Variants in STPG2 observed in about 807,000 individuals in gnomAD.
STPG2 encodes sperm-tail PG-rich repeat-containing protein 2.
In STPG2, 56 loss-of-function variants were observed where a neutral mutation model predicts 54.2. The ratio of observed to expected loss-of-function variants is 1.03; its 90% CI spans 0.83 to 1.29. The LOEUF is 1.29. Among genes scored for constraint, STPG2 ranks in the 50% most tolerant of loss-of-function variants. The pLI is 0.00. For synonymous variants in STPG2, 200 were observed against 181.8 expected, an observed-to-expected ratio of 1.10 and a Z score of -0.81; for missense variants, 596 against 544.9, an observed-to-expected ratio of 1.09 and a Z score of -0.93.
intron 9 of STPG2, among the ~76,000 whole-genome samples, chr4:97,765,998 T>C (rs775395378): frequency 7.2e-5 from 11 of 152,012 alleles, no homozygotes; most frequent in Non-Finnish European, 1.5e-4. Flanking sequence ...CTTGCAGAGG[T>C]GGTCAAAGAT....
chr4:97,907,695 G>T (rs1026441187), intron 8 of STPG2, among the ~76,000 whole-genome samples: 1 of 152,092 alleles, frequency 6.6e-6, no homozygotes, highest in East Asian at 1.9e-4. Context: ...ACAGAACAGA[G>T]CCCTCAGAAA....
chr4:97,528,452 C>A (rs374549018), intron 4 of STPG2, among the ~76,000 whole-genome samples: 4 of 152,076 alleles, frequency 2.6e-5, no homozygotes, highest in Non-Finnish European at 4.4e-5. Context: ...CAATTTTGTT[C>A]TTTTTGCTTA....
chr4:98,073,982 C>A (rs1738083103), intron 5 of STPG2, among the ~76,000 whole-genome samples: 1 of 152,112 alleles, frequency 6.6e-6, no homozygotes, highest in African/African-American at 2.4e-5. Context: ...CCCCTCAGAT[C>A]TTTGCTCCCC....
chr4:97,947,123 C>T (rs182024212), intron 7 of STPG2, among the ~76,000 whole-genome samples: 32 of 152,002 alleles, frequency 2.1e-4, no homozygotes, highest in African/African-American at 7.0e-4. Context: ...TTAGTATATT[C>T]CAGGATATTT....
intron 1 of STPG2, among the ~76,000 whole-genome samples, chr4:98,134,892 T>G (rs1041338680): frequency 6.6e-6 from 1 of 151,680 alleles, no homozygotes; most frequent in African/African-American, 2.4e-5. Flanking sequence ...TTAAAGTGGG[T>G]TTACAGCAGA....
intron 5 of STPG2, among the ~76,000 whole-genome samples, chr4:98,040,258 C>T (rs1162663488): frequency 6.6e-6 from 1 of 151,964 alleles, no homozygotes; most frequent in Admixed American, 6.6e-5. Flanking sequence ...TATCTTCCCT[C>T]ATTCTGCAAG....
chr4:97,728,998 A>C (rs897939209), intron 9 of STPG2, among the ~76,000 whole-genome samples: 1 of 151,938 alleles, frequency 6.6e-6, no homozygotes, highest in Admixed American at 6.6e-5. Context: ...AGAAAGAAAG[A>C]GACAGAGACA....
At chr4:97,561,201 G>T (rs1484836878) in intron 10 of STPG2, among the ~76,000 whole-genome samples, 1 of 152,134 alleles carries the variant, frequency 6.6e-6, no homozygotes, top group African/African-American at 2.4e-5. Flanking sequence ...CTGATGGCCA[G>T]TGATGGTGAG....
chr4:97,898,932 T>G (rs1174520632), intron 8 of STPG2, among the ~76,000 whole-genome samples: 3 of 151,176 alleles, frequency 2.0e-5, no homozygotes, highest in Non-Finnish European at 4.5e-5. Context: ...CTTTAAGAGG[T>G]GAACTCCTAT....
At chr4:97,443,015 T>C (rs1046247512) in intron 4 of STPG2, among the ~76,000 whole-genome samples, 3 of 152,072 alleles carry the variant, frequency 2.0e-5, no homozygotes, top group Non-Finnish European at 4.4e-5. Flanking sequence ...AATTCAGACA[T>C]GGCAAAGAAT....
At chr4:97,660,123 C>T (rs1292818856) in intron 10 of STPG2, among the ~76,000 whole-genome samples, 2 of 152,108 alleles carry the variant, frequency 1.3e-5, no homozygotes. Flanking sequence ...CTGCCTCAGC[C>T]TCCTGAGTAG....
At chr4:97,529,193 G>A (rs1731357651) in intron 4 of STPG2, among the ~76,000 whole-genome samples, 1 of 152,134 alleles carries the variant, frequency 6.6e-6, no homozygotes, top group African/African-American at 2.4e-5. Flanking sequence ...TTAGCATGAA[G>A]TCTGTTGAAT....
rs540455320 is a variant in STPG2 at position 97,613,424 on chromosome 4, A to AG, written c.1321-54308dup. 5.3e-5 allele frequency among the ~76,000 whole-genome samples: 8 copies of AG among 151,976 alleles called. No individual in the cohort carries two copies. The South Asian group carries it at 1.0e-3, about 20-fold the overall frequency. On this transcript the variant is annotated intron_variant, in intron 10 of 10. Transcript: ENST00000295268. ...CCCTTATTATCACACTGTATAAGAA[A>AG]GTACATGATAACTTTATTCTTTGGA...
At chr4:97,511,031 AAAGAG>A (rs1166200658) in intron 4 of STPG2, among the ~76,000 whole-genome samples, 1 of 152,132 alleles carries the variant, frequency 6.6e-6, no homozygotes, top group Admixed American at 6.6e-5. Flanking sequence ...AATCCAAAAG[AAAGAG>A]AAAAGGGAGG....
chr4:97,539,024 C>T (rs1378850594), intron 4 of STPG2, among the ~76,000 whole-genome samples: 1 of 152,150 alleles, frequency 6.6e-6, no homozygotes, highest in Non-Finnish European at 1.5e-5. Context: ...GCCTGTCCTA[C>T]AAGAGCTCCT....
intron 8 of STPG2, among the ~76,000 whole-genome samples, chr4:97,863,962 C>A (rs1444755508): frequency 1.3e-5 from 2 of 152,174 alleles, no homozygotes; most frequent in South Asian, 2.1e-4. Flanking sequence ...ATAATAAGAG[C>A]TATTTATGAC....
chr4:97,557,910 G>A (rs942313494), downstream of STPG2, among the ~76,000 whole-genome samples: 5 of 152,158 alleles, frequency 3.3e-5, no homozygotes, highest in Non-Finnish European at 5.9e-5. Flanking sequence ...CAACACCAAC[G>A]AAGAAAGGCA....
chr4:98,101,840 G>T (rs1047425754), intron 5 of STPG2, among the ~76,000 whole-genome samples: 1 of 151,686 alleles, frequency 6.6e-6, no homozygotes, highest in African/African-American at 2.4e-5. Context: ...TACAAGCCAT[G>T]AATCCCCTTA....
intron 3 of STPG2, among the ~76,000 whole-genome samples, chr4:98,113,285 T>C (rs865985171): frequency 1.3e-5 from 2 of 152,070 alleles, no homozygotes; most frequent in Admixed American, 6.6e-5. Flanking sequence ...TTCGGGAGCA[T>C]AGCTGAGACA....
Sources: gnomAD v4.1 joint callset for allele counts (sites outside exome capture counted in the v4.1 genomes callset) on GRCh38, gnomAD v4.1.1 for gene constraint, MANE v1.5 for transcripts, NCBI Gene and HGNC (gene_info 2026-07-23, HGNC 2026-07-21) for gene names.